THADA: variants seen among roughly 807,000 people sequenced by gnomAD.
THADA encodes the protein THADA armadillo repeat containing.
THADA carries 213 observed loss-of-function variants against 219.8 expected under a neutral mutation model. The observed-to-expected ratio is 0.97, with a 90% CI of 0.87 to 1.09. THADA has a LOEUF of 1.09. Among genes scored for constraint, THADA ranks in the 50% least tolerant of loss-of-function variants. The probability of loss-of-function intolerance (pLI) is 0.00; values close to 1 mark genes in which losing one functional copy is unlikely to be tolerated. For missense variants in THADA, 2,956 were observed against 2,311.3 expected, an observed-to-expected ratio of 1.28 and a Z score of -5.72; for synonymous variants, 1,018 against 828.9, an observed-to-expected ratio of 1.23 and a Z score of -3.92.
chr2:43,574,869 T>A lies in THADA; in HGVS notation c.1196A>T (p.His399Leu), dbSNP rs762817926. 6.2e-7 allele frequency: 1 copy of A among 1,613,914 alleles called. No individual in the cohort carries two copies. The highest frequency in any genetic ancestry group is 1.3e-5 in the African/African-American group (1 of 74,934). Residue 399 changes from histidine to leucine, a missense_variant, in exon 11 of 38, where the codon CAT (histidine) becomes CTT (leucine). Physicochemically the swap from His to Leu is moderately conservative, Grantham distance 99. Transcript: ENST00000405975. ...VGRLLEYVYT[H>L]WEHPLDALRH... ...CAGAGCATCCAATGGATGTTCCCAA[T>A]GGGTATAGACATATTCCAAAAGTCT...
chr2:43,541,286 G>C lies in THADA; in HGVS notation c.3137C>G (p.Ala1046Gly). The change falls in exon 21 of 38, where the codon GCG becomes GGG. Residue 1046 changes from alanine to glycine, a missense_variant. Ala to Gly is a moderately conservative substitution (Grantham distance 60). Coordinates refer to ENST00000405975, the MANE Select transcript of THADA (RefSeq NM_022065.5). ...GKEVKTCDVT[A>G]QMVLVCCWRS... Reference sequence around the variant, plus strand: ...CCAACAACATACCAGCACCATCTGCGCAGTTACATCACATGTTTTTACTTC... The same window carrying C: ...CCAACAACATACCAGCACCATCTGCCCAGTTACATCACATGTTTTTACTTC... The C allele has an allele frequency of 6.2e-7, 1 of 1,612,958 alleles. No homozygotes were observed. The highest frequency in any genetic ancestry group is 8.5e-7 in the Non-Finnish European group (1 of 1,179,486).
chr2:43,345,432 A>C (rs1667530056), intron 29 of THADA, among the ~76,000 whole-genome samples: 1 of 152,344 alleles, frequency 6.6e-6, no homozygotes. Context: ...TTCTAAACAG[A>C]AGTAACTGTA....
chr2:43,540,796 CT>C (rs1163485155), intron 21 of THADA, among the ~76,000 whole-genome samples: 1 of 152,088 alleles, frequency 6.6e-6, no homozygotes, highest in African/African-American at 2.4e-5. Flanking sequence ...CAACATGTTA[CT>C]TTTTTTCTTT....
intron 29 of THADA, among the ~76,000 whole-genome samples, chr2:43,361,063 A>C (rs6707057): frequency 6.6e-6 from 1 of 152,142 alleles, no homozygotes; most frequent in Non-Finnish European, 1.5e-5. Flanking sequence ...CCACAACTGA[A>C]AGGGGGTGCT....
intron 26 of THADA, among the ~76,000 whole-genome samples, chr2:43,444,032 C>G (rs537539970): frequency 6.6e-6 from 1 of 152,278 alleles, no homozygotes; most frequent in African/African-American, 2.4e-5. Context: ...TGCCAGGCAC[C>G]ATTTCGTTTT....
At chr2:43,566,895 T>A in intron 14 of THADA, 74 bp from the exon 15 acceptor site, 1 of 1,014,972 alleles carries the variant, frequency 9.9e-7, no homozygotes, top group Non-Finnish European at 1.3e-6. Flanking sequence ...TTAAACACCC[T>A]TTAAGAGTGG....
At chr2:43,402,093 G>T (rs764863633) in intron 28 of THADA, among the ~76,000 whole-genome samples, 5 of 152,128 alleles carry the variant, frequency 3.3e-5, no homozygotes, top group Non-Finnish European at 5.9e-5. Flanking sequence ...AAACCCTTGT[G>T]GGGGGAGTTT....
chr2:43,425,447 T>TGTGTGTGA (rs1553437840), intron 28 of THADA, among the ~76,000 whole-genome samples: 2 of 3,648 alleles, frequency 5.5e-4, no homozygotes, highest in African/African-American at 3.1e-3. Flanking sequence ...TAAAATTGTA[T>TGTGTGTGA]GTGTGTGTGT....
At chr2:43,468,037 G>A (rs1485674179) in intron 26 of THADA, among the ~76,000 whole-genome samples, 3 of 152,222 alleles carry the variant, frequency 2.0e-5, no homozygotes, top group Non-Finnish European at 1.5e-5. Context: ...GGCTTGAGGT[G>A]TAAGTAAAAA....
chr2:43,242,199 C>T (rs148514624), intron 36 of THADA, among the ~76,000 whole-genome samples: 2,216 of 152,344 alleles, frequency 0.015, 28 homozygotes, highest in Non-Finnish European at 0.021. Flanking sequence ...TTTCCCAGGA[C>T]TGTCTATAAA....
rs530287216 is a variant in THADA at position 43,371,186 on chromosome 2, C to G, written c.4227+26785G>C. On this transcript the variant is annotated intron_variant, in intron 29 of 37. Coordinates refer to ENST00000405975, the MANE Select transcript of THADA (RefSeq NM_022065.5). The stretch of plus-strand genomic sequence containing the variant: ...CCATAAGCTTCAGTCCTTGGGGAAC[C>G]TTTTTAGATAAAGAATATCCTCTTC... Among the ~76,000 whole-genome samples, 126 of 152,112 alleles carry G rather than the reference C, an allele frequency of 8.3e-4. 3 individuals carry two copies. The South Asian group carries it at 0.026, about 31-fold the overall frequency.
At chr2:43,268,161 C>A (rs1030219481) in intron 36 of THADA, among the ~76,000 whole-genome samples, 1 of 152,246 alleles carries the variant, frequency 6.6e-6, no homozygotes, top group Non-Finnish European at 1.5e-5. Flanking sequence ...AACCCAATTA[C>A]TGAAATACAG....
At chr2:43,409,260 T>C (rs1243689950) in intron 28 of THADA, among the ~76,000 whole-genome samples, 1 of 152,142 alleles carries the variant, frequency 6.6e-6, no homozygotes, top group Admixed American at 6.5e-5. Flanking sequence ...ACCCTCCTCA[T>C]GTTTCACAGA....
At position 43,574,577 on chromosome 2, in the gene THADA, G is replaced by A. The variant is rs1699647820; in HGVS notation, c.1488C>T (p.Asp496=). ...GATTTCTAAACATGGTTTCCAAGAG[G>A]TCACTTGCATAAGGTACCAATGACT... ...GDQSLVPYAS[D]LLETMFRNHK... Residue 496 remains aspartate (D), a synonymous_variant, in exon 11 of 38, where the codon GAC becomes GAT. Coordinates refer to ENST00000405975, the MANE Select transcript of THADA (RefSeq NM_022065.5). 1 of 1,613,818 alleles carries A rather than the reference G, an allele frequency of 6.2e-7. No individual in the cohort carries two copies. The highest frequency in any genetic ancestry group is 8.5e-7 in the Non-Finnish European group (1 of 1,179,886).
At chr2:43,506,305 T>C (rs2105088234) in intron 23 of THADA, among the ~76,000 whole-genome samples, 1 of 152,292 alleles carries the variant, frequency 6.6e-6, no homozygotes, top group East Asian at 1.9e-4. Context: ...ATATTTGAAA[T>C]TTTCAGTAGC....
chr2:43,593,276 G>C (rs1701769424), intron 1 of THADA, among the ~76,000 whole-genome samples: 1 of 152,096 alleles, frequency 6.6e-6, no homozygotes, highest in Non-Finnish European at 1.5e-5. Context: ...TTTAGTTTAG[G>C]GGAAAAAAAC....
chr2:43,487,296 A>G (rs1159348735), intron 25 of THADA, among the ~76,000 whole-genome samples: 1 of 152,144 alleles, frequency 6.6e-6, no homozygotes, highest in Non-Finnish European at 1.5e-5. Flanking sequence ...CAAAAAGAAA[A>G]GGAAAACAGA....
intron 36 of THADA, among the ~76,000 whole-genome samples, chr2:43,276,723 T>A (rs1477195917): frequency 6.6e-6 from 1 of 152,178 alleles, no homozygotes; most frequent in African/African-American, 2.4e-5. Context: ...CCATTTCGAA[T>A]GTTGAGCTCT....
chr2:43,561,125 T>C (rs749476716), intron 15 of THADA, among the ~76,000 whole-genome samples: 1 of 151,200 alleles, frequency 6.6e-6, no homozygotes, highest in Non-Finnish European at 1.5e-5. Flanking sequence ...GAGTCAAAGA[T>C]AAAGAAGGAA....
Sources: allele counts gnomAD v4.1 joint callset (sites outside exome capture counted in the v4.1 genomes callset), GRCh38; gene constraint gnomAD v4.1.1; transcripts MANE v1.5; gene names NCBI Gene and HGNC (gene_info 2026-07-23, HGNC 2026-07-21).